SLC39A11: variants seen among roughly 807,000 people sequenced by gnomAD.
SLC39A11 encodes solute carrier family 39 member 11.
SLC39A11 carries 33 observed loss-of-function variants against 36.1 expected under a neutral mutation model. That is an observed-to-expected ratio of 0.91 (90% confidence interval 0.69 to 1.22). The LOEUF is 1.22. SLC39A11 is among the 50% of genes most tolerant of loss of function. SLC39A11 has a pLI of 0.00. For synonymous variants in SLC39A11, 166 were observed against 170.3 expected (o/e 0.97, Z 0.20); for missense variants, 432 against 430.3 (o/e 1.00, Z -0.03).
intron 7 of SLC39A11, among the ~76,000 whole-genome samples, chr17:72,662,142 G>A (rs980546387): frequency 2.0e-5 from 3 of 152,072 alleles, no homozygotes; most frequent in Non-Finnish European, 2.9e-5. Flanking sequence ...AGTGGTTCGC[G>A]CCTGTAATCC....
In SLC39A11 at chr17:72,804,299, A is replaced by G. The variant is rs139847301; in HGVS notation, c.601+45335T>C. Among the ~76,000 whole-genome samples the G allele has an allele frequency of 3.0e-3, 453 of 152,280 alleles. 3 individuals are homozygous for G. The highest frequency in any genetic ancestry group is 0.01 in the African/African-American group (433 of 41,554). On this transcript the variant is annotated intron_variant, in intron 6 of 9. Coordinates refer to ENST00000255559, the MANE Select transcript of SLC39A11 (RefSeq NM_139177.4). ...CTGGAACCACTGTTATCTCCCTGGC[A>G]TCCCATAGGGAGTTCTGCCCAGTGG...
intron 3 of SLC39A11, among the ~76,000 whole-genome samples, chr17:73,057,049 T>C (rs1030863910): frequency 6.6e-6 from 1 of 152,108 alleles, no homozygotes; most frequent in African/African-American, 2.4e-5. Context: ...AACCTCTGCC[T>C]CCTGAGCTCA....
intron 5 of SLC39A11, among the ~76,000 whole-genome samples, chr17:72,880,297 G>A (rs570680573): frequency 2.6e-5 from 4 of 152,338 alleles, no homozygotes; most frequent in Non-Finnish European, 5.9e-5. Context: ...GGCTGGGCAT[G>A]GTGGCTCATG....
At chr17:72,887,553 C>T (rs1014111321) in intron 5 of SLC39A11, among the ~76,000 whole-genome samples, 1 of 152,186 alleles carries the variant, frequency 6.6e-6, no homozygotes, top group Non-Finnish European at 1.5e-5. Context: ...AACAGTTTCC[C>T]GTCTTCCGTC....
At chr17:72,707,119 G>T (rs556008845) in intron 7 of SLC39A11, among the ~76,000 whole-genome samples, 1 of 152,288 alleles carries the variant, frequency 6.6e-6, no homozygotes, top group South Asian at 2.1e-4. Flanking sequence ...ATTTTGCTAG[G>T]CCGGGCATCA....
rs192637804 is a variant in SLC39A11, at chr17:72,897,046, C to T, written c.431-47242G>A. Among the ~76,000 whole-genome samples the T allele has an allele frequency of 2.1e-3, 158 of 76,460 alleles. 1 individual carries two copies. Among genetic ancestry groups the T allele is most frequent in the Non-Finnish European group, 2.7e-3 (128 of 46,774 alleles). The allele number at this position is 76,460 out of a possible 152,430, so 50.2% of individuals were successfully genotyped here. ...CCAGGCTGGGCGACAGAGTAAGACT[C>T]TGTCTCAAAAAAAAAAAAAAAAAAA... On this transcript the variant is annotated intron_variant, in intron 5 of 9. Coordinates refer to ENST00000255559, the MANE Select transcript of SLC39A11 (RefSeq NM_139177.4).
chr17:73,024,519 C>A (rs990437428), intron 4 of SLC39A11, among the ~76,000 whole-genome samples: 1 of 152,048 alleles, frequency 6.6e-6, no homozygotes, highest in Admixed American at 6.6e-5. Context: ...GATATTCTTT[C>A]GTGAACTAGA....
intron 5 of SLC39A11, among the ~76,000 whole-genome samples, chr17:72,928,542 G>A (rs720959): frequency 0.54 from 82,779 of 152,026 alleles, 24,521 homozygotes; most frequent in African/African-American, 0.79. Context: ...AGCAGTGGGT[G>A]GGAAAAAGTG....
rs2069588226 is a variant in SLC39A11 at position 72,646,966 on chromosome 17, A to AC, written c.*617_*618insG. ...TTGCCTTTAAAAAAAAAAAAAAAAAAAGCCAGACTAGCCAATTTCCTTCCC... is the reference window on the plus strand; with the variant it reads ...TTGCCTTTAAAAAAAAAAAAAAAAAACAGCCAGACTAGCCAATTTCCTTCCC... On this transcript the variant is annotated 3_prime_UTR_variant, in exon 10 of 10. Coordinates refer to ENST00000255559, the MANE Select transcript of SLC39A11 (RefSeq NM_139177.4). 6.6e-6 allele frequency: 1 copy of AC among 151,242 alleles called. No homozygotes were observed. Among genetic ancestry groups the AC allele is most frequent in the Non-Finnish European group, 1.5e-5 (1 of 67,848 alleles). 9.4% of individuals were successfully genotyped at this position (151,242 alleles called of 1,614,324 possible).
intron 4 of SLC39A11, among the ~76,000 whole-genome samples, chr17:73,017,051 G>A (rs1302146026): frequency 6.6e-6 from 1 of 152,170 alleles, no homozygotes; most frequent in Non-Finnish European, 1.5e-5. Context: ...AACACACATA[G>A]CTTCTTCTTA....
intron 4 of SLC39A11, among the ~76,000 whole-genome samples, chr17:73,005,877 G>A (rs2090149234): frequency 1.3e-5 from 2 of 151,292 alleles, no homozygotes; most frequent in Admixed American, 1.3e-4. Flanking sequence ...CTTGAACCTG[G>A]GAGGTGGAGG....
intron 5 of SLC39A11, among the ~76,000 whole-genome samples, chr17:72,893,999 A>G (rs918338222): frequency 4.6e-5 from 7 of 152,214 alleles, no homozygotes; most frequent in Admixed American, 3.3e-4. Context: ...AGAACCAAGC[A>G]GTGAGTGTGA....
At chr17:72,696,873 G>A (rs1472879796) in intron 7 of SLC39A11, among the ~76,000 whole-genome samples, 2 of 152,282 alleles carry the variant, frequency 1.3e-5, no homozygotes, top group East Asian at 3.9e-4. Context: ...TGTATGATCA[G>A]CTTGCGGTTA....
chr17:73,003,332 A>C (rs2089927916), intron 4 of SLC39A11, among the ~76,000 whole-genome samples: 1 of 152,222 alleles, frequency 6.6e-6, no homozygotes, highest in Non-Finnish European at 1.5e-5. Context: ...TGTGTGTGCT[A>C]ATGCTGCAAA....
At chr17:72,787,172 G>A (rs761495004) in intron 6 of SLC39A11, among the ~76,000 whole-genome samples, 6 of 151,390 alleles carry the variant, frequency 4.0e-5, no homozygotes, top group African/African-American at 1.5e-4. Flanking sequence ...CAGCTTATGC[G>A]GATGAATGCA....
chr17:72,861,740 TTATATATATATATATA>T (rs71945815), intron 5 of SLC39A11, among the ~76,000 whole-genome samples: 11,209 of 67,220 alleles, frequency 0.17, 1,012 homozygotes, highest in East Asian at 0.33. Context: ...ACATTGGAGA[TTATATATATATATATA>T]TATATATATA....
At chr17:72,659,109 G>C (rs985428971) in intron 7 of SLC39A11, among the ~76,000 whole-genome samples, 2 of 152,194 alleles carry the variant, frequency 1.3e-5, no homozygotes, top group African/African-American at 4.8e-5. Flanking sequence ...TCACTCCAGA[G>C]TCAACCGCTA....
At chr17:72,827,300 G>C (rs756591379) in intron 6 of SLC39A11, among the ~76,000 whole-genome samples, 6 of 152,188 alleles carry the variant, frequency 3.9e-5, no homozygotes, top group Non-Finnish European at 5.9e-5. Flanking sequence ...AATTCATAGA[G>C]ACAAAAGTAG....
intron 7 of SLC39A11, among the ~76,000 whole-genome samples, chr17:72,670,306 G>C (rs764029822): frequency 6.6e-6 from 1 of 151,166 alleles, no homozygotes; most frequent in Non-Finnish European, 1.5e-5. Flanking sequence ...GGGAGGTCAG[G>C]GCTACAGTGA....
Sources: gnomAD v4.1 joint callset for allele counts (sites outside exome capture counted in the v4.1 genomes callset) on GRCh38, gnomAD v4.1.1 for gene constraint, MANE v1.5 for transcripts, NCBI Gene and HGNC (gene_info 2026-07-23, HGNC 2026-07-21) for gene names.